WWP1: variants seen among roughly 807,000 people sequenced by gnomAD.
WWP1 encodes the protein WW domain containing E3 ubiquitin protein ligase 1, also known as NEDD4-like E3 ubiquitin-protein ligase WWP1.
Under a neutral mutation model 130.6 loss-of-function variants are expected in WWP1, and 49 were observed. The observed-to-expected ratio is 0.38, with a 90% confidence interval of 0.30 to 0.48. The LOEUF is 0.48. WWP1 is among the 20% of genes least tolerant of loss of function. WWP1 has a pLI of 0.99. For synonymous variants in WWP1, 332 were observed against 367.8 expected, an observed-to-expected ratio of 0.90 and a Z score of 1.11; for missense variants, 809 against 1,100.6, an observed-to-expected ratio of 0.74 and a Z score of 3.75.
At chr8:86,424,217 G>A (rs189055932) in intron 9 of WWP1, among the ~76,000 whole-genome samples, 57,275 of 149,612 alleles carry the variant, frequency 0.38, 11,525 homozygotes, top group Middle Eastern at 0.48. Flanking sequence ...GGGCGGCGGG[G>A]CAGAGGCGCT....
At chr8:86,347,399 A>T (rs1822647792) in intron 1 of WWP1, among the ~76,000 whole-genome samples, 1 of 151,420 alleles carries the variant, frequency 6.6e-6, no homozygotes, top group Non-Finnish European at 1.5e-5. Flanking sequence ...TAAAACCCTT[A>T]TTTTTGTTCC....
At chr8:86,413,952 C>T (rs954167022) in intron 9 of WWP1, among the ~76,000 whole-genome samples, 6 of 152,028 alleles carry the variant, frequency 3.9e-5, no homozygotes, top group African/African-American at 9.7e-5. Context: ...TGAGGGAAGC[C>T]GGCATTCCAG....
At chr8:86,346,362 G>A (rs1438659229) in intron 1 of WWP1, among the ~76,000 whole-genome samples, 2 of 152,134 alleles carry the variant, frequency 1.3e-5, no homozygotes, top group African/African-American at 4.8e-5. Flanking sequence ...GGCGGAGCTT[G>A]TAGTGAGCCG....
rs1239124073 is a variant in WWP1, at chr8:86,414,894, C to A, written c.1061+3020C>A. 2.9e-5 allele frequency among the ~76,000 whole-genome samples: 4 copies of A among 137,518 alleles called. 1 individual carries two copies. Among genetic ancestry groups the A allele is most frequent in the Admixed American group, 2.2e-4 (3 of 13,690 alleles). The allele number at this position is 137,518 out of a possible 152,430, so 90.2% of individuals were successfully genotyped here. The stretch of plus-strand genomic sequence containing the variant: ...ACATTCTGAATCCCCCCCCCATCCC[C>A]CCACCCCCGCCCCTAAATAGCGATT... On this transcript the variant is annotated intron_variant, in intron 9 of 24. Transcript: ENST00000517970.
At chr8:86,368,052 A>G (rs1323316629) in intron 1 of WWP1, among the ~76,000 whole-genome samples, 1 of 152,130 alleles carries the variant, frequency 6.6e-6, no homozygotes, top group African/African-American at 2.4e-5. Flanking sequence ...GTTGTTAGCA[A>G]TTTTCTTTTG....
chr8:86,447,664 G>A (rs148052681), intron 18 of WWP1, among the ~76,000 whole-genome samples: 94 of 152,178 alleles, frequency 6.2e-4, no homozygotes, highest in African/African-American at 2.0e-3. Context: ...TAGCTTCAGT[G>A]GATTTTTTTA....
chr8:86,386,358 A>G (rs905269863), intron 5 of WWP1, among the ~76,000 whole-genome samples: 1 of 152,118 alleles, frequency 6.6e-6, no homozygotes, highest in East Asian at 1.9e-4. Context: ...GCAGTGAACT[A>G]TCATTGTGTC....
Position 86,457,834 on chromosome 8 carries a change from T to C in WWP1, c.2395-87T>C, listed in dbSNP as rs573577360. The stretch of plus-strand genomic sequence containing the variant: ...ATAGCTTTTCACATAATTTGCCATG[T>C]GCATAACTGCATTAGGAAATTTCAG... On this transcript the variant is annotated intron_variant, in intron 21 of 24. Coordinates refer to ENST00000517970, the MANE Select transcript of WWP1 (RefSeq NM_007013.4). The C allele has an allele frequency of 4.9e-6, 6 of 1,228,458 alleles. No individual in the cohort carries two copies. The South Asian group carries it at 7.9e-5, about 16-fold the overall frequency. 76.1% of individuals were successfully genotyped at this position (1,228,458 alleles called of 1,614,324 possible).
At chr8:86,363,638 C>CG in intron 1 of WWP1, among the ~76,000 whole-genome samples, 1 of 151,864 alleles carries the variant, frequency 6.6e-6, no homozygotes, top group Non-Finnish European at 1.5e-5. Flanking sequence ...CCCGTCTCTA[C>CG]GAAAAATAAA....
At chr8:86,352,217 T>A (rs1240211968) in intron 1 of WWP1, among the ~76,000 whole-genome samples, 3 of 128,058 alleles carry the variant, frequency 2.3e-5, no homozygotes, top group East Asian at 2.4e-4. Flanking sequence ...GCTAATTTTT[T>A]ATTTTTATTT....
rs147612572 is a variant in WWP1, at chr8:86,347,564, G to A, written c.-115+4634G>A. On this transcript the variant is annotated intron_variant, in intron 1 of 24. Coordinates refer to ENST00000517970, the MANE Select transcript of WWP1 (RefSeq NM_007013.4). Reference sequence around the variant, plus strand: ...GGTAAACTTGTCAGTTTTTTCCTTTGTGTTAAAATGGTAATCTCACTGCAG... The same window carrying A: ...GGTAAACTTGTCAGTTTTTTCCTTTATGTTAAAATGGTAATCTCACTGCAG... 3.1e-3 allele frequency among the ~76,000 whole-genome samples: 466 copies of A among 152,224 alleles called. 2 individuals carry two copies. Among genetic ancestry groups the A allele is most frequent in the African/African-American group, 0.011 (441 of 41,536 alleles).
At chr8:86,458,897 T>A (rs898901740) in intron 22 of WWP1, among the ~76,000 whole-genome samples, 5 of 152,270 alleles carry the variant, frequency 3.3e-5, no homozygotes, top group African/African-American at 1.2e-4. Flanking sequence ...GCAACATCAT[T>A]GGTATACTAA....
intron 2 of WWP1, among the ~76,000 whole-genome samples, chr8:86,373,701 T>C (rs984919369): frequency 1.3e-5 from 2 of 152,222 alleles, no homozygotes; most frequent in Non-Finnish European, 2.9e-5. Flanking sequence ...TTCTGCCATA[T>C]GTTAGGAGTT....
At chr8:86,440,702 GTTCCATT>G in intron 17 of WWP1, 1 of 454,062 alleles carries the variant, frequency 2.2e-6, no homozygotes, top group Non-Finnish European at 4.4e-6. Flanking sequence ...TGTTCCATTT[GTTCCATT>G]TTTCTTCAGG....
At chr8:86,385,234 T>G (rs1439822887) in intron 5 of WWP1, among the ~76,000 whole-genome samples, 1 of 152,188 alleles carries the variant, frequency 6.6e-6, no homozygotes, top group Non-Finnish European at 1.5e-5. Flanking sequence ...GCACCTTGAA[T>G]AGAATTGTGT....
chr8:86,421,797 T>C (rs1458005325), intron 9 of WWP1, among the ~76,000 whole-genome samples: 1 of 151,886 alleles, frequency 6.6e-6, no homozygotes, highest in East Asian at 1.9e-4. Context: ...CATTCCAGCC[T>C]GGGGGACAGA....
intron 11 of WWP1, among the ~76,000 whole-genome samples, chr8:86,430,228 G>A (rs1387751048): frequency 1.3e-5 from 2 of 152,034 alleles, no homozygotes; most frequent in Non-Finnish European, 2.9e-5. Flanking sequence ...TTTGTGTCTT[G>A]AAATTGCTAT....
chr8:86,356,625 G>C (rs1446932218), intron 1 of WWP1, among the ~76,000 whole-genome samples: 3 of 151,958 alleles, frequency 2.0e-5, no homozygotes, highest in African/African-American at 7.2e-5. Context: ...GCCAAAGAAA[G>C]CCCTATGTTT....
intron 9 of WWP1, among the ~76,000 whole-genome samples, chr8:86,419,126 A>G (rs576361472): frequency 1.1e-4 from 17 of 152,322 alleles, no homozygotes; most frequent in South Asian, 8.3e-4. Flanking sequence ...CTGTTTTAAG[A>G]TATCAGACTA....
Sources: allele counts gnomAD v4.1 joint callset (sites outside exome capture counted in the v4.1 genomes callset), GRCh38; gene constraint gnomAD v4.1.1; transcripts MANE v1.5; gene names NCBI Gene and HGNC (gene_info 2026-07-23, HGNC 2026-07-21).